ARHGAP20: variants seen among roughly 807,000 people sequenced by gnomAD.
The protein encoded by ARHGAP20 is rho GTPase-activating protein 20.
Under a neutral mutation model 73.7 loss-of-function variants are expected in ARHGAP20, and 34 were observed. The ratio of observed to expected loss-of-function variants is 0.46; its 90% CI spans 0.35 to 0.61. ARHGAP20 has a LOEUF of 0.61. Among genes scored for constraint, ARHGAP20 ranks in the 20% least tolerant of loss-of-function variants. The probability of loss-of-function intolerance (pLI) is 0.00; values close to 1 mark genes in which losing one functional copy is unlikely to be tolerated. For synonymous variants in ARHGAP20, 523 were observed against 518.2 expected (o/e 1.01, Z -0.13); for missense variants, 1,314 against 1,420.9 (o/e 0.92, Z 1.21).
chr11:110,712,328 G>T lies in ARHGAP20; in HGVS notation c.-97C>A. 9.4e-7 allele frequency: 1 copy of T among 1,059,616 alleles called. No individual in the cohort carries two copies. The highest frequency in any genetic ancestry group is 1.2e-6 in the Non-Finnish European group (1 of 818,152). 65.6% of individuals were successfully genotyped at this position (1,059,616 alleles called of 1,614,324 possible). A position where few individuals can be genotyped will look rare whatever the true frequency, so the allele number is the denominator to read the frequency against. ...GGGGCGAGGACGCGCGGGCGGAGGC[G>T]CGGCTGCCGTGCTCAGGCAGGGAGC... On this transcript the variant is annotated 5_prime_UTR_variant, in exon 1 of 15. Transcript: ENST00000683387.
At chr11:110,661,700 C>T (rs559102159) in intron 2 of ARHGAP20, among the ~76,000 whole-genome samples, 4 of 151,970 alleles carry the variant, frequency 2.6e-5, no homozygotes, top group Non-Finnish European at 4.4e-5. Context: ...TTACTTCACA[C>T]GAATAGATAT....
chr11:110,692,317 G>GT (rs1950258494), intron 1 of ARHGAP20, among the ~76,000 whole-genome samples: 1 of 152,140 alleles, frequency 6.6e-6, no homozygotes, highest in Non-Finnish European at 1.5e-5. Flanking sequence ...AAAAGTGGCA[G>GT]TTTGTTCATA....
At chr11:110,607,956 C>A (rs1565435732) in intron 8 of ARHGAP20, among the ~76,000 whole-genome samples, 1 of 152,104 alleles carries the variant, frequency 6.6e-6, no homozygotes, top group Non-Finnish European at 1.5e-5. Context: ...AACTTTATTG[C>A]TCATTGACTA....
At chr11:110,707,298 T>A (rs949827860) in intron 1 of ARHGAP20, among the ~76,000 whole-genome samples, 27 of 152,190 alleles carry the variant, frequency 1.8e-4, no homozygotes, top group African/African-American at 6.0e-4. Context: ...GATTCTAATA[T>A]GTGCTTCCAC....
At position 110,627,864 on chromosome 11, in the gene ARHGAP20, T is replaced by C. The variant is rs193106914; in HGVS notation, c.353+2764A>G. The stretch of plus-strand genomic sequence containing the variant: ...TTAAAAAAGAAAACTCATGATTTTA[T>C]TGGAAAAGTAACTTATTTATCTTGC... On this transcript the variant is annotated intron_variant, in intron 3 of 14. Coordinates refer to ENST00000683387, the MANE Select transcript of ARHGAP20 (RefSeq NM_001384657.1). Among the ~76,000 whole-genome samples, 240 of 152,322 alleles carry C rather than the reference T, an allele frequency of 1.6e-3. 2 individuals are homozygous for C. The highest frequency in any genetic ancestry group is 1.5e-3 in the Non-Finnish European group (102 of 68,012).
At chr11:110,614,530 GAATTT>G (rs968308233) in intron 6 of ARHGAP20, 26 bp downstream of exon 6, 26 of 1,575,662 alleles carry the variant, frequency 1.7e-5, no homozygotes, top group Non-Finnish European at 2.2e-5. Flanking sequence ...CAGGGACTTG[GAATTT>G]AATTTTCTGG....
rs1947302464 is a variant in ARHGAP20, at chr11:110,577,137, A to AAGTT, written c.*2229_*2232dup. The AAGTT allele has an allele frequency of 2.0e-6, 3 of 1,534,890 alleles. No individual in the cohort carries two copies. Among genetic ancestry groups the AAGTT allele is most frequent in the Non-Finnish European group, 2.6e-6 (3 of 1,146,356 alleles). ...TGCCTTGAAAACCAAACAACTTTAA[A>AAGTT]AGTTAGCAGCAGTTTCTGCAAGTAC... On this transcript the variant is annotated 3_prime_UTR_variant, in exon 15 of 15. Transcript: ENST00000683387.
At chr11:110,697,861 A>G (rs917231349) in intron 1 of ARHGAP20, among the ~76,000 whole-genome samples, 1 of 151,276 alleles carries the variant, frequency 6.6e-6, no homozygotes, top group South Asian at 2.1e-4. Context: ...CAATATGATG[A>G]CTCTGGATAT....
intron 2 of ARHGAP20, among the ~76,000 whole-genome samples, chr11:110,662,474 G>A (rs1949636551): frequency 6.6e-6 from 1 of 151,886 alleles, no homozygotes. Flanking sequence ...ATACCGTAAA[G>A]ATAGTTGCCA....
chr11:110,581,222 A>G lies in ARHGAP20; in HGVS notation c.1724T>C (p.Ile575Thr), dbSNP rs552247353. The G allele has an allele frequency of 2.7e-5, 43 of 1,599,630 alleles. No individual in the cohort carries two copies. The South Asian group carries it at 4.6e-4, about 17-fold the overall frequency. ...GGAGTCATTCAGTTGAAAGCAAGAAATATCTGTCAAAAAAATTAAACCATG... is the reference window on the plus strand; with the variant it reads ...GGAGTCATTCAGTTGAAAGCAAGAAGTATCTGTCAAAAAAATTAAACCATG... ...RCDTRENASD[I>T]SCFQLNDSSY... The change falls in exon 15 of 15, where the codon ATT (isoleucine) becomes ACT (threonine). Residue 575 changes from isoleucine (I) to threonine (T), a missense_variant. Coordinates refer to ENST00000683387, the MANE Select transcript of ARHGAP20 (RefSeq NM_001384657.1).
intron 11 of ARHGAP20, among the ~76,000 whole-genome samples, chr11:110,589,860 C>T (rs1947776678): frequency 6.6e-6 from 1 of 152,208 alleles, no homozygotes; most frequent in Non-Finnish European, 1.5e-5. Flanking sequence ...GTGGCTCACG[C>T]CTATTATCCC....
rs1947387102 is a variant in ARHGAP20 at position 110,579,711 on chromosome 11, C to A, written c.3235G>T (p.Gly1079Cys). ...GPLEPPPHASGVPEANSLQEE... is the reference protein window; with the variant it reads ...GPLEPPPHASCVPEANSLQEE... ...TGCAGTGAGTTGGCTTCTGGAACAC[C>A]AGAAGCATGTGGGGGTGGCTCTAAG... is the stretch of plus-strand genomic sequence containing the variant. Residue 1079 changes from glycine (G) to cysteine (C), a missense_variant, in exon 15 of 15, where the codon GGT (glycine) becomes TGT (cysteine). Around this residue, in one of 3 missense-constraint regions of ARHGAP20, gnomAD observed 641 missense variants for 636.9 expected, o/e 1.01. Transcript: ENST00000683387. The A allele has an allele frequency of 1.9e-6, 3 of 1,614,054 alleles. No individual in the cohort carries two copies. Among genetic ancestry groups the A allele is most frequent in the Non-Finnish European group, 2.5e-6 (3 of 1,180,040 alleles).
intron 11 of ARHGAP20, among the ~76,000 whole-genome samples, chr11:110,587,878 T>G (rs1481269668): frequency 1.3e-5 from 2 of 152,226 alleles, no homozygotes; most frequent in African/African-American, 4.8e-5. Flanking sequence ...AGGTATATCA[T>G]TACAAAAGTT....
intron 9 of ARHGAP20, among the ~76,000 whole-genome samples, chr11:110,593,101 T>A (rs571681371): frequency 6.6e-6 from 1 of 152,160 alleles, no homozygotes; most frequent in Non-Finnish European, 1.5e-5. Context: ...ATGAACAAGA[T>A]TTTAACAGAT....
Position 110,614,684 on chromosome 11 carries a change from C to A in ARHGAP20, c.546-39G>T, listed in dbSNP as rs375187506. The stretch of plus-strand genomic sequence containing the variant: ...ACAGCAACCCAAAACAACACTGAGT[C>A]AGATGGAATTCGCTAATGGCTTATT... On this transcript the variant is annotated intron_variant, in intron 5 of 14. Transcript: ENST00000683387. 1.3e-5 allele frequency: 17 copies of A among 1,359,390 alleles called. No individual in the cohort carries two copies. The African/African-American group carries it at 1.9e-4, about 15-fold the overall frequency. The allele number at this position is 1,359,390 out of a possible 1,614,324, so 84.2% of individuals were successfully genotyped here. A position where few individuals can be genotyped will look rare whatever the true frequency, so the allele number is the denominator to read the frequency against.
intron 7 of ARHGAP20, among the ~76,000 whole-genome samples, chr11:110,611,106 C>T (rs571741532): frequency 6.6e-6 from 1 of 151,954 alleles, no homozygotes; most frequent in African/African-American, 2.4e-5. Context: ...TCAGTTCACA[C>T]AGATTTTAAA....
At chr11:110,677,591 G>C (rs1206114953) in intron 2 of ARHGAP20, among the ~76,000 whole-genome samples, 1 of 152,120 alleles carries the variant, frequency 6.6e-6, no homozygotes, top group Non-Finnish European at 1.5e-5. Context: ...GCTGAAGTAA[G>C]CCATGATCAT....
At chr11:110,701,470 T>G (rs1430226866) in intron 1 of ARHGAP20, among the ~76,000 whole-genome samples, 7 of 151,958 alleles carry the variant, frequency 4.6e-5, no homozygotes, top group Non-Finnish European at 1.0e-4. Flanking sequence ...TCATTGTAGA[T>G]TCTGGATATT....
Position 110,581,815 on chromosome 11 carries a change from G to C in ARHGAP20, c.1720+506C>G, listed in dbSNP as rs911807846. Among the ~76,000 whole-genome samples the C allele has an allele frequency of 4.6e-5, 7 of 151,242 alleles. No homozygotes were observed. In the East Asian group the frequency reaches 7.8e-4, roughly 17 times the overall value. On this transcript the variant is annotated intron_variant, in intron 14 of 14. Coordinates refer to ENST00000683387, the MANE Select transcript of ARHGAP20 (RefSeq NM_001384657.1). ...AAGGATTCATATTCTGAAGGCAGCT[G>C]TATGTCTTCGAATTCAGTGTTCCCC...
Sources: gnomAD v4.1 joint callset for allele counts (sites outside exome capture counted in the v4.1 genomes callset) on GRCh38, gnomAD v4.1.1 for gene constraint, gnomAD v4.1.1 regional missense constraint, MANE v1.5 for transcripts, NCBI Gene and HGNC (gene_info 2026-07-23, HGNC 2026-07-21) for gene names.